The following CDH4 variants were observed in gnomAD, a reference collection of about 807,000 sequenced individuals.
CDH4 encodes cadherin-4.
Under a neutral mutation model 86.0 loss-of-function variants are expected in CDH4, and 33 were observed. That is an observed-to-expected ratio of 0.38 (90% CI 0.29 to 0.51). The LOEUF (loss-of-function observed/expected upper bound fraction) is 0.51, where lower values mean the gene tolerates loss of function less well. Ranked by LOEUF, CDH4 falls within the 20% of genes least tolerant of loss-of-function variation. The pLI, the probability that CDH4 is intolerant of heterozygous loss-of-function variation, is 0.86. For missense variants in CDH4, 1,114 were observed against 1,307.4 expected (o/e 0.85, Z 2.28); for synonymous variants, 555 against 549.4 (o/e 1.01, Z -0.14).
At chr20:61,806,256 G>A (rs1447525239) in intron 4 of CDH4, among the ~76,000 whole-genome samples, 2 of 152,216 alleles carry the variant, frequency 1.3e-5, no homozygotes, top group Admixed American at 1.3e-4. Context: ...GACTGGTTGG[G>A]GGTGGAGTGT....
chr20:61,446,710 G>A (rs1568848361), intron 2 of CDH4, among the ~76,000 whole-genome samples: 1 of 152,144 alleles, frequency 6.6e-6, no homozygotes, highest in Non-Finnish European at 1.5e-5. Flanking sequence ...TGTGTTGCTG[G>A]TCTGCCCGAA....
chr20:61,727,815 G>T (rs1338060350), intron 2 of CDH4, among the ~76,000 whole-genome samples: 3 of 152,138 alleles, frequency 2.0e-5, no homozygotes, highest in African/African-American at 7.2e-5. Flanking sequence ...CTGTCCCCAT[G>T]ACCCAAATGC....
chr20:61,306,289 G>T (rs1328532764), intron 2 of CDH4, among the ~76,000 whole-genome samples: 2 of 152,174 alleles, frequency 1.3e-5, no homozygotes, highest in African/African-American at 2.4e-5. Flanking sequence ...TACTCTGCAA[G>T]AAATGGCTGA....
chr20:61,475,836 G>A (rs1032450707), intron 2 of CDH4, among the ~76,000 whole-genome samples: 1 of 151,504 alleles, frequency 6.6e-6, no homozygotes, highest in Non-Finnish European at 1.5e-5. Flanking sequence ...CCACTTGTGA[G>A]ATAAATTCAG....
intron 6 of CDH4, among the ~76,000 whole-genome samples, chr20:61,868,226 C>G (rs555238739): frequency 5.3e-5 from 8 of 152,322 alleles, no homozygotes; most frequent in Admixed American, 5.2e-4. Context: ...CGCCAGGACC[C>G]CTTCCCAGGG....
chr20:61,595,962 G>T lies in CDH4; in HGVS notation c.170-147601G>T, dbSNP rs148988837. On this transcript the variant is annotated intron_variant, in intron 2 of 15. Coordinates refer to ENST00000614565, the MANE Select transcript of CDH4 (RefSeq NM_001794.5). ...TCTCCCTGGGCTCAGGGCAAGGAGG[G>T]GCCACTCGCTCTCAGCTGCACATTG... 3.9e-3 allele frequency among the ~76,000 whole-genome samples: 589 copies of T among 152,282 alleles called. 3 individuals are homozygous for T. Among genetic ancestry groups the T allele is most frequent in the African/African-American group, 0.013 (557 of 41,570 alleles).
Position 61,816,815 on chromosome 20 carries a change from C to G in CDH4, c.577-27853C>G, listed in dbSNP as rs1980742600. On this transcript the variant is annotated intron_variant, in intron 4 of 15. Coordinates refer to ENST00000614565, the MANE Select transcript of CDH4 (RefSeq NM_001794.5). The stretch of plus-strand genomic sequence containing the variant: ...AGCTGGGCCCAGGCCTGGGACACTC[C>G]CATCAGCAGGCAGCCCTGAGCTCGC... Among the ~76,000 whole-genome samples, 5 of 152,206 alleles carry G rather than the reference C, an allele frequency of 3.3e-5. No homozygotes were observed. In the South Asian group the frequency reaches 1.0e-3, roughly 32 times the overall value.
At chr20:61,877,112 T>G (rs1054119961) in intron 7 of CDH4, among the ~76,000 whole-genome samples, 2 of 152,106 alleles carry the variant, frequency 1.3e-5, no homozygotes, top group East Asian at 3.9e-4. Flanking sequence ...GGCATTCCTG[T>G]GGGCATGTCA....
At chr20:61,337,190 G>A (rs1280593864) in intron 2 of CDH4, among the ~76,000 whole-genome samples, 1 of 128,764 alleles carries the variant, frequency 7.8e-6, no homozygotes, top group African/African-American at 3.1e-5. Flanking sequence ...TGAGAACTTA[G>A]TGAGTTATCA....
intron 2 of CDH4, among the ~76,000 whole-genome samples, chr20:61,345,106 C>T (rs535789630): frequency 6.6e-6 from 1 of 152,292 alleles, no homozygotes; most frequent in East Asian, 1.9e-4. Context: ...TTTCGATGGA[C>T]GATCAAATTC....
At chr20:61,489,399 G>T (rs768766419) in intron 2 of CDH4, among the ~76,000 whole-genome samples, 2 of 152,252 alleles carry the variant, frequency 1.3e-5, no homozygotes, top group Non-Finnish European at 2.9e-5. Context: ...CTATGGCCCA[G>T]TAGTTTCTTT....
At chr20:61,342,189 C>T (rs752091826) in intron 2 of CDH4, among the ~76,000 whole-genome samples, 2 of 152,136 alleles carry the variant, frequency 1.3e-5, no homozygotes, top group Non-Finnish European at 2.9e-5. Context: ...ACCACGGACC[C>T]GTTTCATGGA....
At position 61,417,562 on chromosome 20, in the gene CDH4, A is replaced by G. The variant is rs528313379; in HGVS notation, c.169+162625A>G. On this transcript the variant is annotated intron_variant, in intron 2 of 15. Transcript: ENST00000614565. The surrounding 1 kb of genome is among the most constrained non-coding windows in gnomAD (Gnocchi z 4.0). ...GGGTTGATTACTGTCAACAACTGTC[A>G]TCCCTCCCTGGCCCTGTTTCTGGCT... is the stretch of plus-strand genomic sequence containing the variant. Among the ~76,000 whole-genome samples, 21 of 152,284 alleles carry G rather than the reference A, an allele frequency of 1.4e-4. No individual in the cohort carries two copies. Among genetic ancestry groups the G allele is most frequent in the African/African-American group, 4.6e-4 (19 of 41,558 alleles).
intron 2 of CDH4, among the ~76,000 whole-genome samples, chr20:61,672,280 C>G (rs200505949): frequency 1.3e-5 from 2 of 151,260 alleles, no homozygotes; most frequent in African/African-American, 4.9e-5. Flanking sequence ...AACAGATGAA[C>G]GGGTGAGTGG....
chr20:61,794,892 G>A (rs996529245), intron 4 of CDH4, among the ~76,000 whole-genome samples: 13 of 152,012 alleles, frequency 8.6e-5, no homozygotes, highest in African/African-American at 2.2e-4. Context: ...TAGGAAGAAC[G>A]TCAAACTGGC....
intron 4 of CDH4, among the ~76,000 whole-genome samples, chr20:61,816,960 T>C (rs4925199): frequency 6.6e-6 from 1 of 152,014 alleles, no homozygotes; most frequent in African/African-American, 2.4e-5. Context: ...TGGCTTGGGG[T>C]AAAAGGTGCC....
At chr20:61,882,229 G>A (rs1195161940) in intron 7 of CDH4, among the ~76,000 whole-genome samples, 6 of 152,180 alleles carry the variant, frequency 3.9e-5, no homozygotes, top group East Asian at 3.9e-4. Flanking sequence ...GGCACACAGC[G>A]TGGCTGACCA....
At chr20:61,714,388 A>T (rs2087929742) in intron 2 of CDH4, among the ~76,000 whole-genome samples, 1 of 152,064 alleles carries the variant, frequency 6.6e-6, no homozygotes, top group Non-Finnish European at 1.5e-5. Flanking sequence ...CTGGGTATTC[A>T]TGATATTTTA....
chr20:61,766,047 G>C (rs2088694608), intron 3 of CDH4, among the ~76,000 whole-genome samples: 1 of 151,942 alleles, frequency 6.6e-6, no homozygotes, highest in African/African-American at 2.4e-5. Context: ...CCCAGCCCTG[G>C]GTTCTCTAGG....
Sources: gnomAD v4.1 joint callset for allele counts (sites outside exome capture counted in the v4.1 genomes callset) on GRCh38, gnomAD v4.1.1 for gene constraint, Gnocchi (gnomAD v3.1) non-coding constraint, MANE v1.5 for transcripts, NCBI Gene and HGNC (gene_info 2026-07-23, HGNC 2026-07-21) for gene names.